Variants in BMPR1B observed in about 807,000 individuals in gnomAD.
BMPR1B encodes bone morphogenetic protein receptor type 1B, also known as bone morphogenetic protein receptor type-1B.
Under a neutral mutation model 59.1 loss-of-function variants are expected in BMPR1B, and 12 were observed. The ratio of observed to expected loss-of-function variants is 0.20; its 90% CI spans 0.13 to 0.33. The LOEUF (loss-of-function observed/expected upper bound fraction) is 0.33. BMPR1B is among the 10% of genes least tolerant of loss of function. The pLI is 1.00. For missense variants in BMPR1B, 550 were observed against 610.9 expected, an observed-to-expected ratio of 0.90 and a Z score of 1.05; for synonymous variants, 237 against 207.3, an observed-to-expected ratio of 1.14 and a Z score of -1.23.
intron 2 of BMPR1B, among the ~76,000 whole-genome samples, chr4:94,938,693 A>C (rs1729405192): frequency 6.6e-6 from 1 of 152,140 alleles, no homozygotes; most frequent in Non-Finnish European, 1.5e-5. Flanking sequence ...CTGTATACCA[A>C]ATCCTTTAAA....
chr4:94,815,919 T>A (rs535839215), intron 1 of BMPR1B, among the ~76,000 whole-genome samples: 1 of 152,202 alleles, frequency 6.6e-6, no homozygotes, highest in African/African-American at 2.4e-5. Flanking sequence ...TTATTACTTT[T>A]GTGTGAATTG....
intron 2 of BMPR1B, among the ~76,000 whole-genome samples, chr4:94,956,882 C>T (rs3796419): frequency 0.5 from 76,003 of 151,608 alleles, 19,398 homozygotes; most frequent in South Asian, 0.6. Flanking sequence ...GGCTTTAGGT[C>T]GTATTACTTG....
intron 2 of BMPR1B, among the ~76,000 whole-genome samples, chr4:94,936,146 A>G (rs143184080): frequency 2.6e-5 from 4 of 152,316 alleles, no homozygotes; most frequent in African/African-American, 9.6e-5. Context: ...TGACCGTGGT[A>G]TTCATGCTGT....
intron 2 of BMPR1B, among the ~76,000 whole-genome samples, chr4:94,901,213 T>C (rs1727797571): frequency 6.6e-6 from 1 of 152,004 alleles, no homozygotes; most frequent in Admixed American, 6.6e-5. Context: ...ATGACATCAA[T>C]ATAGTGGGTT....
At chr4:94,846,716 TATCTATATATCTA>T (rs1217451813) in intron 1 of BMPR1B, among the ~76,000 whole-genome samples, 1 of 24,786 alleles carries the variant, frequency 4.0e-5, no homozygotes, top group Non-Finnish European at 7.9e-5. Flanking sequence ...TGTATCTATA[TATCTATATATCTA>T]TATCTATATA....
chr4:94,934,208 A>G (rs1458228552), intron 2 of BMPR1B, among the ~76,000 whole-genome samples: 1 of 152,176 alleles, frequency 6.6e-6, no homozygotes. Flanking sequence ...CATCATATGA[A>G]ATCATGGGCT....
At chr4:95,064,194 G>T (rs550034307) in intron 3 of BMPR1B, among the ~76,000 whole-genome samples, 2 of 152,182 alleles carry the variant, frequency 1.3e-5, no homozygotes, top group South Asian at 4.2e-4. Context: ...AACAGTCTTT[G>T]TCAATTAAAA....
At chr4:94,993,659 G>T (rs1343004611) in intron 2 of BMPR1B, among the ~76,000 whole-genome samples, 1 of 151,310 alleles carries the variant, frequency 6.6e-6, no homozygotes, top group Non-Finnish European at 1.5e-5. Context: ...TACTTGGGAG[G>T]CCTAGGTAGG....
chr4:94,892,327 ATC>A (rs916633044), intron 2 of BMPR1B, among the ~76,000 whole-genome samples: 5 of 152,046 alleles, frequency 3.3e-5, no homozygotes, highest in Admixed American at 1.3e-4. Flanking sequence ...CTGAATCTGA[ATC>A]TACCTTTTAA....
At chr4:95,082,063 A>G (rs1247320148) in intron 3 of BMPR1B, among the ~76,000 whole-genome samples, 18 of 151,348 alleles carry the variant, frequency 1.2e-4, no homozygotes, top group Non-Finnish European at 1.5e-5. Flanking sequence ...TATATGTGCC[A>G]TGCTGGTGTG....
At chr4:94,925,689 G>C (rs989127032) in intron 2 of BMPR1B, among the ~76,000 whole-genome samples, 28 of 152,106 alleles carry the variant, frequency 1.8e-4, no homozygotes, top group African/African-American at 6.8e-4. Flanking sequence ...TTTGAAACTT[G>C]GACATGGTAC....
At chr4:94,779,073 G>A (rs892030202) in intron 1 of BMPR1B, among the ~76,000 whole-genome samples, 1 of 151,950 alleles carries the variant, frequency 6.6e-6, no homozygotes, top group Non-Finnish European at 1.5e-5. Context: ...TAATTTTTGT[G>A]CCTTGTTTAA....
chr4:94,890,450 T>C (rs1236767092), intron 2 of BMPR1B, among the ~76,000 whole-genome samples: 2 of 152,116 alleles, frequency 1.3e-5, no homozygotes, highest in Non-Finnish European at 2.9e-5. Context: ...CCAAACCTCT[T>C]AATATTATAA....
chr4:94,781,435 C>A (rs538141310), intron 1 of BMPR1B, among the ~76,000 whole-genome samples: 9 of 151,910 alleles, frequency 5.9e-5, no homozygotes, highest in Admixed American at 5.9e-4. Context: ...TTTTTTGAGA[C>A]GAAGTCTTGC....
intron 3 of BMPR1B, among the ~76,000 whole-genome samples, chr4:95,022,714 G>A (rs1204822170): frequency 6.6e-6 from 1 of 152,026 alleles, no homozygotes; most frequent in Non-Finnish European, 1.5e-5. Context: ...GCATCAATGC[G>A]ATTTCTGAAA....
At chr4:95,096,012 A>C (rs1007624289) in intron 3 of BMPR1B, among the ~76,000 whole-genome samples, 1 of 149,480 alleles carries the variant, frequency 6.7e-6, no homozygotes, top group Admixed American at 6.8e-5. Context: ...ATGTAATAGT[A>C]TGAAATTTTT....
At chr4:94,935,144 C>G (rs1314356764) in intron 2 of BMPR1B, among the ~76,000 whole-genome samples, 3 of 152,052 alleles carry the variant, frequency 2.0e-5, no homozygotes, top group Non-Finnish European at 4.4e-5. Context: ...TCTTGCTTCT[C>G]CATTTTAAAG....
chr4:95,064,304 G>T (rs763511278), intron 3 of BMPR1B, among the ~76,000 whole-genome samples: 1 of 152,226 alleles, frequency 6.6e-6, no homozygotes, highest in South Asian at 2.1e-4. Flanking sequence ...GAAGTGAGCA[G>T]TTGGCAAGTG....
chr4:94,943,663 G>C (rs575472651), intron 2 of BMPR1B, among the ~76,000 whole-genome samples: 1 of 152,164 alleles, frequency 6.6e-6, no homozygotes, highest in African/African-American at 2.4e-5. Context: ...ATTATTGTAG[G>C]AAAGTGGAAC....
Sources: allele counts gnomAD v4.1 joint callset (sites outside exome capture counted in the v4.1 genomes callset), GRCh38; gene constraint gnomAD v4.1.1; transcripts MANE v1.5; gene names NCBI Gene and HGNC (gene_info 2026-07-23, HGNC 2026-07-21).